Variants in FTO observed in about 807,000 individuals in gnomAD.
The protein encoded by FTO is FTO alpha-ketoglutarate dependent dioxygenase.
A neutral mutation model predicts 63.9 loss-of-function variants in FTO; 47 were observed. The ratio of observed to expected loss-of-function variants is 0.74; its 90% CI spans 0.58 to 0.94. The LOEUF is 0.94. FTO is among the 40% of genes least tolerant of loss of function. FTO has a pLI of 0.00. For missense variants in FTO, 562 were observed against 618.1 expected (o/e 0.91, Z 0.96); for synonymous variants, 207 against 224.4 (o/e 0.92, Z 0.69).
chr16:53,849,071 C>G (rs1040152810), intron 4 of FTO, among the ~76,000 whole-genome samples: 3 of 152,102 alleles, frequency 2.0e-5, no homozygotes, highest in Non-Finnish European at 4.4e-5. Flanking sequence ...AAATGCATAG[C>G]CCTTCTTTTT....
intron 2 of FTO, among the ~76,000 whole-genome samples, chr16:53,825,218 CTT>C (rs1243447047): frequency 6.6e-6 from 1 of 152,128 alleles, no homozygotes; most frequent in Non-Finnish European, 1.5e-5. Context: ...AGTGAGTTCT[CTT>C]TTTGTGAAAG....
At chr16:54,048,126 T>TAAAAAAAA (rs71380060) in intron 8 of FTO, among the ~76,000 whole-genome samples, 5 of 56,462 alleles carry the variant, frequency 8.9e-5, no homozygotes, top group Non-Finnish European at 1.2e-4. Flanking sequence ...AAAAAAAAAT[T>TAAAAAAAA]AAAAAAAAAA....
At chr16:54,062,497 G>T (rs750730232) in intron 8 of FTO, among the ~76,000 whole-genome samples, 1 of 152,162 alleles carries the variant, frequency 6.6e-6, no homozygotes, top group Non-Finnish European at 1.5e-5. Flanking sequence ...ACAAGAGCTT[G>T]GTGGCTTGCA....
At chr16:53,840,501 G>T (rs1196159562) in intron 3 of FTO, among the ~76,000 whole-genome samples, 1 of 152,170 alleles carries the variant, frequency 6.6e-6, no homozygotes, top group Non-Finnish European at 1.5e-5. Context: ...AACAGGTGTT[G>T]GCAAATTTTT....
At chr16:53,911,859 C>T (rs900443210) in intron 7 of FTO, among the ~76,000 whole-genome samples, 3 of 152,122 alleles carry the variant, frequency 2.0e-5, no homozygotes, top group African/African-American at 2.4e-5. Flanking sequence ...ATGTTGAAAA[C>T]GAAAATTGAA....
chr16:53,937,283 T>C (rs2082412105), intron 8 of FTO: 2 of 398,628 alleles, frequency 5.0e-6, no homozygotes, highest in Non-Finnish European at 8.8e-6. Context: ...GGAGAAGCTG[T>C]GTGAATGCAG....
chr16:53,783,908 T>A (rs1035908894), intron 1 of FTO, among the ~76,000 whole-genome samples: 2 of 152,218 alleles, frequency 1.3e-5, no homozygotes, highest in Non-Finnish European at 2.9e-5. Flanking sequence ...TTAGGTTCTG[T>A]AGATCAGTGG....
At position 54,027,903 on chromosome 16, in the gene FTO, C is replaced by T. The variant is rs564506365; in HGVS notation, c.1365-83859C>T. Among the ~76,000 whole-genome samples, 129 of 152,256 alleles carry T rather than the reference C, an allele frequency of 8.5e-4. No homozygotes were observed. In the Middle Eastern group the frequency reaches 0.01, roughly 12 times the overall value. Reference sequence around the variant, plus strand: ...AAGACTGAGTTCTCACAAACAAGCTCTTTATTAAATTAAATGGTTCATGTA... The same window carrying T: ...AAGACTGAGTTCTCACAAACAAGCTTTTTATTAAATTAAATGGTTCATGTA... On this transcript the variant is annotated intron_variant, in intron 8 of 8. Coordinates refer to ENST00000471389, the MANE Select transcript of FTO (RefSeq NM_001080432.3).
intron 6 of FTO, among the ~76,000 whole-genome samples, chr16:53,880,198 C>T (rs774982320): frequency 5.3e-5 from 8 of 151,930 alleles, no homozygotes; most frequent in Admixed American, 2.6e-4. Flanking sequence ...GGTTTCACCA[C>T]GTTGGCCAGG....
chr16:53,851,207 G>C (rs1465080145), intron 4 of FTO, among the ~76,000 whole-genome samples: 3 of 151,274 alleles, frequency 2.0e-5, no homozygotes, highest in Non-Finnish European at 4.4e-5. Context: ...CAGCACTTTG[G>C]GAGGCCAAGG....
At chr16:53,848,485 A>G (rs1449661354) in intron 4 of FTO, among the ~76,000 whole-genome samples, 1 of 152,190 alleles carries the variant, frequency 6.6e-6, no homozygotes, top group African/African-American at 2.4e-5. Context: ...TCACGGTTTT[A>G]CTTTTAAATT....
At chr16:53,934,212 C>A in intron 8 of FTO, 103 bp downstream of exon 8, 1 of 1,285,128 alleles carries the variant, frequency 7.8e-7, no homozygotes, top group Non-Finnish European at 1.1e-6. Context: ...CTTTGAGGGC[C>A]CATGAAAAAT....
At chr16:53,752,589 T>C (rs1057105308) in intron 1 of FTO, among the ~76,000 whole-genome samples, 3 of 152,210 alleles carry the variant, frequency 2.0e-5, no homozygotes, top group Admixed American at 1.3e-4. Context: ...ATCTCAGCAA[T>C]CAATCTTGCA....
At chr16:53,731,155 A>G (rs149615354) in intron 1 of FTO, among the ~76,000 whole-genome samples, 1 of 152,302 alleles carries the variant, frequency 6.6e-6, no homozygotes, top group Non-Finnish European at 1.5e-5. Context: ...CTAACTGGGA[A>G]TTTTATATTT....
At chr16:53,710,809 A>G (rs2075752849) in intron 1 of FTO, among the ~76,000 whole-genome samples, 1 of 152,238 alleles carries the variant, frequency 6.6e-6, no homozygotes. Flanking sequence ...CCTAACTAGA[A>G]TTGAATAGTG....
Position 53,748,652 on chromosome 16 carries a change from C to T in FTO, c.45+44423C>T, listed in dbSNP as rs141807185. Reference sequence around the variant, plus strand: ...TGTATATTTAGTACAGACAGGGTATCGCCATGTTGGCCAGGCTGGTCTTGA... The same window carrying T: ...TGTATATTTAGTACAGACAGGGTATTGCCATGTTGGCCAGGCTGGTCTTGA... On this transcript the variant is annotated intron_variant, in intron 1 of 8. Coordinates refer to ENST00000471389, the MANE Select transcript of FTO (RefSeq NM_001080432.3). 1.5e-3 allele frequency among the ~76,000 whole-genome samples: 231 copies of T among 152,218 alleles called. 1 individual carries two copies. The highest frequency in any genetic ancestry group is 5.3e-3 in the African/African-American group (219 of 41,542).
chr16:53,714,287 C>G (rs1039521027), intron 1 of FTO, among the ~76,000 whole-genome samples: 9 of 152,158 alleles, frequency 5.9e-5, no homozygotes, highest in African/African-American at 2.2e-4. Context: ...TTGGATCATT[C>G]AAGGCTGAGC....
intron 8 of FTO, among the ~76,000 whole-genome samples, chr16:53,940,858 A>C (rs1015255482): frequency 6.6e-6 from 1 of 150,406 alleles, no homozygotes; most frequent in African/African-American, 2.4e-5. Flanking sequence ...CGGTCTTATT[A>C]TTAGTCATCT....
chr16:54,067,143 T>G (rs1201766635), intron 8 of FTO, among the ~76,000 whole-genome samples: 1 of 151,142 alleles, frequency 6.6e-6, no homozygotes, highest in Non-Finnish European at 1.5e-5. Flanking sequence ...GTTGTTGTTT[T>G]TTTTTTGTTT....
Sources: allele counts gnomAD v4.1 joint callset (sites outside exome capture counted in the v4.1 genomes callset), GRCh38; gene constraint gnomAD v4.1.1; transcripts MANE v1.5; gene names NCBI Gene and HGNC (gene_info 2026-07-23, HGNC 2026-07-21).